Variants in LIPC observed in about 807,000 individuals in gnomAD.
LIPC encodes the protein hepatic triacylglycerol lipase.
Under a neutral mutation model 50.7 loss-of-function variants are expected in LIPC, and 44 were observed. The ratio of observed to expected loss-of-function variants is 0.87; its 90% confidence interval spans 0.68 to 1.11. LIPC has a LOEUF of 1.11. LIPC is among the 50% of genes most tolerant of loss of function. The pLI is 0.00. For missense variants in LIPC, 697 were observed against 648.2 expected, an observed-to-expected ratio of 1.08 and a Z score of -0.82; for synonymous variants, 271 against 256.4, an observed-to-expected ratio of 1.06 and a Z score of -0.54.
intron 6 of LIPC, among the ~76,000 whole-genome samples, chr15:58,553,585 C>T (rs971202921): frequency 6.6e-6 from 1 of 151,918 alleles, no homozygotes; most frequent in Non-Finnish European, 1.5e-5. Flanking sequence ...AGAGTGAGAC[C>T]CTGTTTCAAA....
intron 1 of LIPC, among the ~76,000 whole-genome samples, chr15:58,446,247 G>A (rs1203362237): frequency 6.6e-6 from 1 of 151,962 alleles, no homozygotes; most frequent in Non-Finnish European, 1.5e-5. Flanking sequence ...TGTCACCCAC[G>A]CTGGAGTGCA....
intron 8 of LIPC, chr15:58,565,136 A>T (rs1236868698): frequency 6.8e-7 from 1 of 1,480,030 alleles, no homozygotes; most frequent in Non-Finnish European, 9.1e-7. Flanking sequence ...GGGATGCAAA[A>T]TCCTGGCAAT....
chr15:58,565,310 G>C (rs1489375070), intron 8 of LIPC: 2 of 1,535,260 alleles, frequency 1.3e-6, no homozygotes, highest in Non-Finnish European at 1.7e-6. Flanking sequence ...GATGCTCTTA[G>C]CTGGAGAGTA....
intron 6 of LIPC, among the ~76,000 whole-genome samples, chr15:58,551,115 G>A (rs1893744495): frequency 6.6e-6 from 1 of 152,206 alleles, no homozygotes; most frequent in African/African-American, 2.4e-5. Context: ...GGAATTACAG[G>A]TGTGAGCTAC....
intron 1 of LIPC, among the ~76,000 whole-genome samples, chr15:58,537,600 T>A (rs1016155109): frequency 6.6e-6 from 1 of 152,114 alleles, no homozygotes; most frequent in African/African-American, 2.4e-5. Context: ...GTATGCAAGG[T>A]TGCATGCCTG....
At chr15:58,435,755 CA>C (rs1482776291) in intron 1 of LIPC, 10 of 152,264 alleles carry the variant, frequency 6.6e-5, no homozygotes, top group African/African-American at 2.4e-4. Flanking sequence ...ACTAAAAATA[CA>C]AAACATTAGC....
intron 1 of LIPC, among the ~76,000 whole-genome samples, chr15:58,506,238 A>G (rs777860536): frequency 5.9e-5 from 9 of 152,082 alleles, no homozygotes; most frequent in East Asian, 1.9e-4. Context: ...GGAGACTTCT[A>G]TGACACCCTT....
At chr15:58,519,693 G>A (rs954144673) in intron 1 of LIPC, among the ~76,000 whole-genome samples, 17 of 152,182 alleles carry the variant, frequency 1.1e-4, no homozygotes, top group African/African-American at 3.9e-4. Context: ...ACAGAATAGC[G>A]CAGTTTTGAT....
chr15:58,545,682 G>T, intron 4 of LIPC, 60 bp from the exon 5 acceptor site: 2 of 1,400,862 alleles, frequency 1.4e-6, no homozygotes, highest in South Asian at 2.3e-5. Context: ...AAGCTAAAAA[G>T]CACATCTCTC....
intron 1 of LIPC, among the ~76,000 whole-genome samples, chr15:58,438,037 C>G (rs183070486): frequency 5.3e-5 from 8 of 152,264 alleles, no homozygotes; most frequent in Admixed American, 1.3e-4. Context: ...GAGAGAGAAA[C>G]TGCAGGGCTG....
At position 58,567,304 on chromosome 15, in the gene LIPC, T is replaced by C. The variant is rs1453970222; in HGVS notation, c.1389-1412T>C. 3.8e-4 allele frequency among the ~76,000 whole-genome samples: 16 copies of C among 41,900 alleles called. 1 individual carries two copies. The highest frequency in any genetic ancestry group is 8.2e-4 in the African/African-American group (13 of 15,762). 27.5% of individuals were successfully genotyped at this position (41,900 alleles called of 152,430 possible). On this transcript the variant is annotated intron_variant, in intron 8 of 8. Transcript: ENST00000299022. ...GTGTATATATATATACATATATATA[T>C]ACATATATATGTATATGTGTATATA...
chr15:58,474,162 G>A (rs1279956588), intron 1 of LIPC, among the ~76,000 whole-genome samples: 1 of 152,138 alleles, frequency 6.6e-6, no homozygotes, highest in East Asian at 1.9e-4. Context: ...TGGGGGAAGA[G>A]GGGACGGTTT....
intron 1 of LIPC, among the ~76,000 whole-genome samples, chr15:58,499,415 A>T (rs902089790): frequency 4.6e-5 from 7 of 152,328 alleles, no homozygotes; most frequent in African/African-American, 1.7e-4. Context: ...CCCAGGCCCT[A>T]AACTAGGATT....
chr15:58,450,463 C>G (rs1450296472), intron 1 of LIPC, among the ~76,000 whole-genome samples: 2 of 152,190 alleles, frequency 1.3e-5, no homozygotes, highest in African/African-American at 4.8e-5. Context: ...AGAGATGAGG[C>G]TGCTGGCAGT....
At chr15:58,447,264 G>T (rs1430139392) in intron 1 of LIPC, among the ~76,000 whole-genome samples, 1 of 151,950 alleles carries the variant, frequency 6.6e-6, no homozygotes, top group East Asian at 1.9e-4. Flanking sequence ...ACCTAGCTCA[G>T]GCCCTGCCCT....
intron 1 of LIPC, among the ~76,000 whole-genome samples, chr15:58,449,685 T>A (rs686958): frequency 0.71 from 107,274 of 151,668 alleles, 39,006 homozygotes; most frequent in Middle Eastern, 0.83. Flanking sequence ...GATTACAAGC[T>A]TGCGCCACCG....
chr15:58,489,524 G>A (rs1475489858), intron 1 of LIPC, among the ~76,000 whole-genome samples: 1 of 152,142 alleles, frequency 6.6e-6, no homozygotes, highest in African/African-American at 2.4e-5. Context: ...CGGTCCTTGT[G>A]CACTCAGTTG....
chr15:58,508,471 G>A (rs979188088), intron 1 of LIPC, among the ~76,000 whole-genome samples: 4 of 152,142 alleles, frequency 2.6e-5, no homozygotes, highest in African/African-American at 9.7e-5. Flanking sequence ...TTGGAGGTAG[G>A]GAGATCATTA....
chr15:58,554,344 G>T (rs1359562884), intron 6 of LIPC, among the ~76,000 whole-genome samples: 1 of 152,096 alleles, frequency 6.6e-6, no homozygotes, highest in Admixed American at 6.5e-5. Context: ...AATTTCTCCT[G>T]CCAGAACTTG....
Sources: allele counts gnomAD v4.1 joint callset (sites outside exome capture counted in the v4.1 genomes callset), GRCh38; gene constraint gnomAD v4.1.1; transcripts MANE v1.5; gene names NCBI Gene and HGNC (gene_info 2026-07-23, HGNC 2026-07-21).